KREMEN1: variants seen among roughly 807,000 people sequenced by gnomAD.
KREMEN1 encodes the protein kringle containing transmembrane protein 1, also known as kremen protein 1.
A neutral mutation model predicts 46.5 loss-of-function variants in KREMEN1; 30 were observed. That is an observed-to-expected ratio of 0.65 (90% CI 0.48 to 0.88). KREMEN1 has a LOEUF of 0.88. Among genes scored for constraint, KREMEN1 ranks in the 40% least tolerant of loss-of-function variants. The probability of loss-of-function intolerance (pLI) is 0.00; values close to 1 mark genes in which losing one functional copy is unlikely to be tolerated. For synonymous variants in KREMEN1, 214 were observed against 230.6 expected, an observed-to-expected ratio of 0.93 and a Z score of 0.65; for missense variants, 533 against 596.9, an observed-to-expected ratio of 0.89 and a Z score of 1.11.
rs537913333 is a variant in KREMEN1, at chr22:29,140,903, C to T, written c.1208+537C>T. Among the ~76,000 whole-genome samples the T allele has an allele frequency of 2.5e-3, 384 of 152,304 alleles. 1 individual carries two copies. The highest frequency in any genetic ancestry group is 8.6e-3 in the African/African-American group (357 of 41,548). On this transcript the variant is annotated intron_variant, in intron 8 of 8. Transcript: ENST00000400335. ...ATTCAAGTCTAACAGTTCCACCTTC[C>T]AGGAAAGGGGCAATTGTTCATGCTA...
intron 3 of KREMEN1, among the ~76,000 whole-genome samples, chr22:29,106,476 G>A (rs907216854): frequency 6.6e-5 from 10 of 151,394 alleles, no homozygotes; most frequent in African/African-American, 9.7e-5. Flanking sequence ...TGATCCGCCC[G>A]CCTCGGCCTC....
rs116777110 is a variant in KREMEN1 at position 29,156,386 on chromosome 22, A to C, written c.1417-10658A>C. Among the ~76,000 whole-genome samples the C allele has an allele frequency of 2.4e-3, 367 of 152,340 alleles. 3 individuals are homozygous for C. The highest frequency in any genetic ancestry group is 8.5e-3 in the African/African-American group (355 of 41,578). ...TTTGGAAAGAGACAAAAAGAGAAAG[A>C]CTCTTGCAATTTCTCCCTGAGACAA... On this transcript the variant is annotated intron_variant, in intron 9 of 9. Coordinates refer to the KREMEN1 transcript ENST00000327813.
intron 2 of KREMEN1, among the ~76,000 whole-genome samples, chr22:29,098,445 T>C (rs1737592757): frequency 6.6e-6 from 1 of 152,350 alleles, no homozygotes; most frequent in African/African-American, 2.4e-5. Context: ...CCTTTGGCTC[T>C]AATTCCCAAA....
intron 7 of KREMEN1, 65 bp from the exon 8 acceptor site, chr22:29,140,217 A>G (rs2038738703): frequency 7.7e-7 from 1 of 1,305,054 alleles, no homozygotes; most frequent in Non-Finnish European, 1.1e-6. Context: ...TGGGTATTCC[A>G]GCCGACCTCC....
At chr22:29,095,269 C>A (rs2037867287) in intron 2 of KREMEN1, among the ~76,000 whole-genome samples, 1 of 152,160 alleles carries the variant, frequency 6.6e-6, no homozygotes, top group African/African-American at 2.4e-5. Context: ...TTTCACCTCC[C>A]GTCTGACTCT....
At chr22:29,104,445 C>T (rs2038021462) in intron 3 of KREMEN1, among the ~76,000 whole-genome samples, 1 of 152,152 alleles carries the variant, frequency 6.6e-6, no homozygotes, top group African/African-American at 2.4e-5. Context: ...CATAAGCCAC[C>T]ACACCCAGCC....
intron 9 of KREMEN1, among the ~76,000 whole-genome samples, chr22:29,162,754 T>G (rs1328852547): frequency 6.6e-6 from 1 of 152,140 alleles, no homozygotes; most frequent in Non-Finnish European, 1.5e-5. Context: ...ATTCCATTAT[T>G]GGGTATATAT....
intron 5 of KREMEN1, among the ~76,000 whole-genome samples, chr22:29,130,582 T>C (rs1447899047): frequency 6.6e-6 from 1 of 152,212 alleles, no homozygotes; most frequent in African/African-American, 2.4e-5. Flanking sequence ...GATTCATGGC[T>C]GGGACCCATT....
chr22:29,116,407 C>T (rs890096808), intron 3 of KREMEN1, among the ~76,000 whole-genome samples: 2 of 152,154 alleles, frequency 1.3e-5, no homozygotes, highest in Admixed American at 1.3e-4. Context: ...AAGTTTGATA[C>T]CTTAGGCCAC....
intron 3 of KREMEN1, among the ~76,000 whole-genome samples, chr22:29,114,864 A>G (rs937495015): frequency 2.6e-5 from 4 of 152,252 alleles, no homozygotes; most frequent in Admixed American, 2.6e-4. Context: ...TTTGTTTAAG[A>G]AAGATCTAAT....
At chr22:29,140,888 A>G (rs755389815) in intron 8 of KREMEN1, among the ~76,000 whole-genome samples, 16 of 152,194 alleles carry the variant, frequency 1.1e-4, no homozygotes, top group Admixed American at 2.0e-4. Context: ...ATTCAAGTCT[A>G]ACAGTTCCAC....
intron 9 of KREMEN1, among the ~76,000 whole-genome samples, chr22:29,156,899 T>C (rs969170904): frequency 2.0e-5 from 3 of 152,210 alleles, no homozygotes; most frequent in Non-Finnish European, 2.9e-5. Flanking sequence ...TTCCAGTTTT[T>C]ATAGATGAGG....
At chr22:29,106,141 G>A (rs2038055652) in intron 3 of KREMEN1, among the ~76,000 whole-genome samples, 1 of 152,090 alleles carries the variant, frequency 6.6e-6, no homozygotes, top group Admixed American at 6.5e-5. Context: ...GTGTTTTAAT[G>A]TCAGCACTGC....
chr22:29,105,022 A>G (rs2038033199), intron 3 of KREMEN1, among the ~76,000 whole-genome samples: 1 of 152,250 alleles, frequency 6.6e-6, no homozygotes, highest in Non-Finnish European at 1.5e-5. Flanking sequence ...CAAGGATAGT[A>G]TGTTCTGCAG....
chr22:29,123,650 G>A (rs2038393945), intron 4 of KREMEN1, among the ~76,000 whole-genome samples: 1 of 152,128 alleles, frequency 6.6e-6, no homozygotes, highest in South Asian at 2.1e-4. Flanking sequence ...AAATTAGCTG[G>A]GCGTGGTAGC....
intron 5 of KREMEN1, among the ~76,000 whole-genome samples, chr22:29,128,255 G>A (rs6006001): frequency 0.051 from 7,771 of 152,182 alleles, 674 homozygotes; most frequent in African/African-American, 0.18. Flanking sequence ...TTTCAACTTT[G>A]CAGTAGGTTT....
downstream of KREMEN1, among the ~76,000 whole-genome samples, chr22:29,149,382 C>T (rs1478348603): frequency 2.0e-5 from 3 of 152,022 alleles, no homozygotes; most frequent in South Asian, 2.1e-4. Flanking sequence ...AGGATGGTCT[C>T]GATCTCTTGA....
intron 3 of KREMEN1, among the ~76,000 whole-genome samples, chr22:29,110,045 C>T (rs1387766864): frequency 6.6e-6 from 1 of 152,158 alleles, no homozygotes; most frequent in African/African-American, 2.4e-5. Context: ...GTAATGTGTA[C>T]TAGTTGTTTA....
intron 1 of KREMEN1, among the ~76,000 whole-genome samples, chr22:29,089,767 G>T (rs1457895274): frequency 1.3e-5 from 2 of 152,176 alleles, no homozygotes; most frequent in Admixed American, 6.5e-5. Flanking sequence ...GCTCCAGTCA[G>T]ATTAGAGGAG....
Sources: gnomAD v4.1 joint callset for allele counts (sites outside exome capture counted in the v4.1 genomes callset) on GRCh38, gnomAD v4.1.1 for gene constraint, MANE v1.5 for transcripts, NCBI Gene and HGNC (gene_info 2026-07-23, HGNC 2026-07-21) for gene names.